The following CCDC18 variants were observed in gnomAD, a reference collection of about 807,000 sequenced individuals.
CCDC18 encodes the protein coiled-coil domain containing 18.
CCDC18 carries 157 observed loss-of-function variants against 196.0 expected under a neutral mutation model. That is an observed-to-expected ratio of 0.80 (90% CI 0.70 to 0.91). The LOEUF (loss-of-function observed/expected upper bound fraction) is 0.91, where lower values mean the gene tolerates loss of function less well. CCDC18 is among the 40% of genes least tolerant of loss of function. The pLI, the probability that CCDC18 is intolerant of heterozygous loss-of-function variation, is 0.00. For missense variants in CCDC18, 1,465 were observed against 1,611.6 expected (o/e 0.91, Z 1.56); for synonymous variants, 482 against 529.2 (o/e 0.91, Z 1.22).
rs1400378910 is a variant in CCDC18 at position 93,217,818 on chromosome 1, A to G, written c.1911A>G (p.Ala637=). The G allele has an allele frequency of 2.5e-6, 4 of 1,612,824 alleles. No homozygotes were observed. Among genetic ancestry groups the G allele is most frequent in the Non-Finnish European group, 3.4e-6 (4 of 1,178,954 alleles). The change falls in exon 14 of 29, where the codon GCA becomes GCG. Residue 637 remains alanine (A), a synonymous_variant. Transcript: ENST00000690025. ...HEKICLAFEK[A]KKIHLEQHKE... is the part of the protein sequence containing the mutation. ...AAATTTGTTTAGCCTTTGAAAAAGC[A>G]AAGAAAATTCACTTGGAACAGCATA...
At chr1:93,254,874 A>C (rs1294048994) in intron 24 of CCDC18, among the ~76,000 whole-genome samples, 1 of 151,346 alleles carries the variant, frequency 6.6e-6, no homozygotes, top group African/African-American at 2.4e-5. Context: ...GTAAATCTAC[A>C]ATATATGCTT....
chr1:93,250,378 CAAAAAA>C (rs71094242), intron 23 of CCDC18, among the ~76,000 whole-genome samples: 2 of 89,430 alleles, frequency 2.2e-5, no homozygotes, highest in Non-Finnish European at 2.4e-5. Flanking sequence ...GAGACCCTGT[CAAAAAA>C]AAAAAAAAAA....
At chr1:93,192,332 A>T (rs1175213899) in intron 5 of CCDC18, among the ~76,000 whole-genome samples, 1 of 152,208 alleles carries the variant, frequency 6.6e-6, no homozygotes, top group Non-Finnish European at 1.5e-5. Flanking sequence ...GCCTATTTAC[A>T]TGCTTTTATC....
At chr1:93,239,923 C>G (rs1660540836) in intron 21 of CCDC18, 27 bp downstream of exon 21, 1 of 1,377,060 alleles carries the variant, frequency 7.3e-7, no homozygotes, top group East Asian at 2.3e-5. Context: ...GAAATTATAT[C>G]ACAGTTATAA....
chr1:93,243,260 G>A (rs987298783), intron 21 of CCDC18, among the ~76,000 whole-genome samples: 1 of 152,208 alleles, frequency 6.6e-6, no homozygotes, highest in Non-Finnish European at 1.5e-5. Context: ...CTTGACTTCT[G>A]TGTACTCACA....
upstream of CCDC18, chr1:93,180,405 C>T (rs1649320265): frequency 8.1e-7 from 1 of 1,228,528 alleles, no homozygotes; most frequent in Non-Finnish European, 1.1e-6. Flanking sequence ...AAGAGAAGCG[C>T]AGTTCTCCAA....
Position 93,270,449 on chromosome 1 carries a change from C to G in CCDC18, c.3988C>G (p.Pro1330Ala). 1 of 1,550,350 alleles carries G rather than the reference C, an allele frequency of 6.5e-7. No individual in the cohort carries two copies. The highest frequency in any genetic ancestry group is 1.2e-5 in the South Asian group (1 of 84,062). The change falls in exon 28 of 29, where the codon CCT becomes GCT. Residue 1330 changes from proline (P) to alanine (A), a missense_variant. Transcript: ENST00000690025. Reference sequence around the variant, plus strand: ...ATTTACATCTCCAACAGAAATTATGCCTGATGTTCAAGATCCAAAATTTGC... The same window carrying G: ...ATTTACATCTCCAACAGAAATTATGGCTGATGTTCAAGATCCAAAATTTGC... ...APFTSPTEIM[P>A]DVQDPKFAKC...
intron 6 of CCDC18, among the ~76,000 whole-genome samples, chr1:93,197,654 A>G (rs1312443685): frequency 6.6e-6 from 1 of 151,852 alleles, no homozygotes; most frequent in Non-Finnish European, 1.5e-5. Context: ...CAGGCCCACT[A>G]CAGCCCATGA....
intron 17 of CCDC18, among the ~76,000 whole-genome samples, chr1:93,230,962 A>C (rs1411682315): frequency 6.6e-6 from 1 of 152,238 alleles, no homozygotes; most frequent in African/African-American, 2.4e-5. Context: ...AGAATTAAAC[A>C]AAACATATTT....
chr1:93,192,194 TA>T (rs1651934715), intron 5 of CCDC18, 88 bp downstream of exon 5: 1 of 857,948 alleles, frequency 1.2e-6, no homozygotes. Context: ...CCACACCCAA[TA>T]AATTTACAGT....
chr1:93,208,338 G>GTT (rs34659994), intron 9 of CCDC18, among the ~76,000 whole-genome samples: 153 of 147,668 alleles, frequency 1.0e-3, no homozygotes, highest in African/African-American at 2.0e-3. Context: ...TTTTTTGTTT[G>GTT]TTTGTTTTTT....
chr1:93,217,501 G>A (rs1301193635), intron 13 of CCDC18, among the ~76,000 whole-genome samples: 1 of 152,152 alleles, frequency 6.6e-6, no homozygotes, highest in Non-Finnish European at 1.5e-5. Context: ...CTGCAGTGCA[G>A]TGGCACAATC....
In CCDC18 at chr1:93,258,802, GC is replaced by G; in HGVS notation, c.3602del (p.Ala1201ValfsTer3). On this transcript the variant is annotated frameshift_variant, in exon 26 of 29. Transcript: ENST00000690025. LOFTEE classifies it high-confidence loss of function. ...ACTGGGGGCTTCTAAAGTACGTGAA[GC>G]TCATTTAGAAGCAAGAATGCAAGCA... ...EELGASKVRE[A>X]HLEARMQAEI... is the part of the protein sequence containing the mutation. The G allele has an allele frequency of 6.3e-7, 1 of 1,595,318 alleles. No individual in the cohort carries two copies. Among genetic ancestry groups the G allele is most frequent in the Non-Finnish European group, 8.5e-7 (1 of 1,171,324 alleles).
chr1:93,208,352 C>T (rs1418196703), intron 9 of CCDC18, among the ~76,000 whole-genome samples: 6 of 138,842 alleles, frequency 4.3e-5, no homozygotes, highest in East Asian at 2.2e-4. Context: ...GTTTTTTTGA[C>T]GGAGTCTCTC....
upstream of CCDC18, chr1:93,180,539 C>A (rs754123269): frequency 3.3e-6 from 5 of 1,506,714 alleles, no homozygotes; most frequent in Admixed American, 7.6e-5. Context: ...CCATGGCTTC[C>A]CCCACCAATG....
intron 19 of CCDC18, 118 bp from the exon 20 acceptor site, chr1:93,239,192 C>A: frequency 1.4e-6 from 1 of 702,106 alleles, no homozygotes; most frequent in Non-Finnish European, 2.3e-6. Context: ...TTTAAAATTC[C>A]AACTAGATAT....
rs762628813 is a variant in CCDC18, at chr1:93,232,602, T to C, written c.2460+9T>C. ...CTAAACTTGAAAAACAGGTATATAT[T>C]ATTAGCCCAAGATTGTTTTATTTGT... On this transcript the variant is annotated intron_variant, in intron 18 of 28. Transcript: ENST00000690025. 1.3e-6 allele frequency: 2 copies of C among 1,540,142 alleles called. No individual in the cohort carries two copies. Among genetic ancestry groups the C allele is most frequent in the Non-Finnish European group, 8.9e-7 (1 of 1,129,374 alleles).
rs1660378049 is a variant in CCDC18, at chr1:93,238,726, C to A, written c.2604-584C>A. On this transcript the variant is annotated intron_variant, in intron 19 of 28. Transcript: ENST00000690025. ...CTGCCGTATTAGAATAAGTTCAGGA[C>A]TGACAAAGTTAGTAAACCTGGCCCT... 2.6e-5 allele frequency among the ~76,000 whole-genome samples: 4 copies of A among 152,252 alleles called. No homozygotes were observed. In the South Asian group the frequency reaches 8.3e-4, roughly 32 times the overall value.
intron 9 of CCDC18, among the ~76,000 whole-genome samples, chr1:93,210,328 G>T (rs932291719): frequency 3.9e-5 from 6 of 152,048 alleles, no homozygotes; most frequent in Non-Finnish European, 7.4e-5. Context: ...GACACATATT[G>T]TCTTATCAAC....
Sources: gnomAD v4.1 joint callset for allele counts (sites outside exome capture counted in the v4.1 genomes callset) on GRCh38, gnomAD v4.1.1 for gene constraint, MANE v1.5 for transcripts, NCBI Gene and HGNC (gene_info 2026-07-23, HGNC 2026-07-21) for gene names.